RSPRY1: variants seen among roughly 807,000 people sequenced by gnomAD.
RSPRY1 encodes the protein RING finger and SPRY domain-containing protein 1.
In RSPRY1, 23 loss-of-function variants were observed where a neutral mutation model predicts 73.1. The observed-to-expected ratio is 0.31, with a 90% CI of 0.23 to 0.45. The LOEUF is 0.45. Ranked by LOEUF, RSPRY1 falls within the 20% of genes least tolerant of loss-of-function variation. RSPRY1 has a pLI of 1.00. For synonymous variants in RSPRY1, 226 were observed against 251.4 expected (o/e 0.90, Z 0.95); for missense variants, 448 against 698.7 (o/e 0.64, Z 4.05).
chr16:57,232,470 C>T (rs1367350876), intron 13 of RSPRY1, among the ~76,000 whole-genome samples: 1 of 152,188 alleles, frequency 6.6e-6, no homozygotes, highest in African/African-American at 2.4e-5. Context: ...TGGTGCCTGA[C>T]AGAGATTCTG....
chr16:57,219,761 G>A (rs1443612959), intron 8 of RSPRY1: 1 of 152,160 alleles, frequency 6.6e-6, no homozygotes, highest in East Asian at 1.9e-4. Flanking sequence ...TTTCCCCAAT[G>A]TTTTATTTTA....
chr16:57,200,274 G>C (rs1190355459), intron 1 of RSPRY1, among the ~76,000 whole-genome samples: 15 of 150,390 alleles, frequency 1.0e-4, no homozygotes, highest in Middle Eastern at 3.5e-3. Context: ...TCTTAGTACA[G>C]AACAAAATGA....
At chr16:57,189,300 G>T (rs2146140314) in intron 1 of RSPRY1, among the ~76,000 whole-genome samples, 2 of 152,128 alleles carry the variant, frequency 1.3e-5, no homozygotes, top group Middle Eastern at 6.8e-3. Flanking sequence ...CTGGCCCTCA[G>T]TGATTATTTT....
intron 8 of RSPRY1, chr16:57,220,315 G>T (rs1226219205): frequency 1.3e-5 from 2 of 159,096 alleles, no homozygotes; most frequent in Non-Finnish European, 2.8e-5. Context: ...TGTCCTCTTT[G>T]ATTTCTTGCA....
At chr16:57,192,975 CAG>C (rs1423511581) in intron 1 of RSPRY1, among the ~76,000 whole-genome samples, 8 of 152,178 alleles carry the variant, frequency 5.3e-5, no homozygotes, top group Admixed American at 1.3e-4. Flanking sequence ...CTTGGCCTCC[CAG>C]AGTGTTGGGA....
At position 57,213,092 on chromosome 16, in the gene RSPRY1, C is replaced by T; in HGVS notation, c.637C>T (p.Leu213=). 2 of 1,611,718 alleles carry T rather than the reference C, an allele frequency of 1.2e-6. No individual in the cohort carries two copies. The highest frequency in any genetic ancestry group is 2.2e-5 in the South Asian group (2 of 90,744). The change falls in exon 5 of 15, where the codon CTA becomes TTA. Residue 213 remains leucine, a synonymous_variant. Transcript: ENST00000394420. ...AGTCCTAGGCTGCTTGGCCGAGAAA[C>T]TAGCAGGTAACTTTGGGACACTCCA... ...SAVLGCLAEK[L]AGPASIGLLS...
intron 4 of RSPRY1, among the ~76,000 whole-genome samples, chr16:57,212,557 T>C (rs1340055273): frequency 6.6e-6 from 1 of 152,158 alleles, no homozygotes; most frequent in Non-Finnish European, 1.5e-5. Flanking sequence ...ATGATATCAT[T>C]AGGGTACATT....
intron 11 of RSPRY1, among the ~76,000 whole-genome samples, chr16:57,228,309 G>C (rs555520135): frequency 6.8e-6 from 1 of 147,922 alleles, no homozygotes; most frequent in African/African-American, 2.5e-5. Flanking sequence ...GCAGGAATTT[G>C]CCCACCCCCA....
At chr16:57,206,759 CTTGCCATG>C (rs1382113499) in intron 2 of RSPRY1, among the ~76,000 whole-genome samples, 1 of 152,154 alleles carries the variant, frequency 6.6e-6, no homozygotes, top group Non-Finnish European at 1.5e-5. Context: ...AGAGCCAGGT[CTTGCCATG>C]TTGCCCAGGC....
intron 2 of RSPRY1, 82 bp downstream of exon 2, chr16:57,205,090 C>CT: frequency 9.8e-7 from 1 of 1,017,722 alleles, no homozygotes. Flanking sequence ...CCTTCAGTTC[C>CT]TTTAGGACAT....
chr16:57,216,212 T>A (rs760124257), intron 7 of RSPRY1, 39 bp downstream of exon 7: 1 of 1,461,218 alleles, frequency 6.8e-7, no homozygotes, highest in South Asian at 1.2e-5. Context: ...ATCTTCTGTA[T>A]TGGTTGTTAA....
chr16:57,216,387 A>G, intron 7 of RSPRY1: 1 of 497,394 alleles, frequency 2.0e-6, no homozygotes, highest in Non-Finnish European at 3.5e-6. Context: ...AACCATGTTT[A>G]CTCACTTTTT....
intron 7 of RSPRY1, 49 bp from the exon 8 acceptor site, chr16:57,216,855 T>G (rs765832824): frequency 7.6e-6 from 12 of 1,578,688 alleles, no homozygotes; most frequent in Non-Finnish European, 1.0e-5. Flanking sequence ...GCTGAGCAAA[T>G]CATTCTACCC....
Position 57,208,389 on chromosome 16 carries a change from TATATA to T in RSPRY1, c.403+280_403+284del, listed in dbSNP as rs1342545281. Among the ~76,000 whole-genome samples, 63 of 106,840 alleles carry T rather than the reference TATATA, an allele frequency of 5.9e-4. 1 individual carries two copies. The highest frequency in any genetic ancestry group is 2.5e-3 in the African/African-American group (61 of 24,220). 70.1% of individuals were successfully genotyped at this position (106,840 alleles called of 152,430 possible). A position where few individuals can be genotyped will look rare whatever the true frequency, so the allele number is the denominator to read the frequency against. ...AGAGGAGATTATTTATATATATATA[TATATA>T]TATATATTTTTTTTTTTTTTTGAGA... is the stretch of plus-strand genomic sequence containing the variant. On this transcript the variant is annotated intron_variant, in intron 3 of 14. Coordinates refer to ENST00000394420, the MANE Select transcript of RSPRY1 (RefSeq NM_133368.3).
chr16:57,188,732 T>C (rs930138919), intron 1 of RSPRY1, among the ~76,000 whole-genome samples: 1 of 152,186 alleles, frequency 6.6e-6, no homozygotes, highest in Non-Finnish European at 1.5e-5. Flanking sequence ...GTCAGGCTGG[T>C]GTCGAACTCC....
chr16:57,220,620 A>C (rs1334777809), intron 8 of RSPRY1, 112 bp from the exon 9 acceptor site: 4 of 563,322 alleles, frequency 7.1e-6, no homozygotes, highest in African/African-American at 5.6e-5. Flanking sequence ...CTTCCTTTCC[A>C]TTTTGGATGC....
At chr16:57,194,026 A>G (rs1044480747) in intron 1 of RSPRY1, among the ~76,000 whole-genome samples, 1 of 152,100 alleles carries the variant, frequency 6.6e-6, no homozygotes, top group African/African-American at 2.4e-5. Flanking sequence ...GGATCACACC[A>G]GTGCACTCCA....
At chr16:57,232,347 A>G (rs1218463807) in intron 13 of RSPRY1, among the ~76,000 whole-genome samples, 2 of 152,208 alleles carry the variant, frequency 1.3e-5, no homozygotes, top group Non-Finnish European at 2.9e-5. Flanking sequence ...TTGTCTGCAG[A>G]TGGTAACACT....
At chr16:57,233,787 T>C (rs1481838136) in intron 13 of RSPRY1, among the ~76,000 whole-genome samples, 1 of 152,212 alleles carries the variant, frequency 6.6e-6, no homozygotes, top group Non-Finnish European at 1.5e-5. Flanking sequence ...TCCAGTAGGC[T>C]GTGCCTTCAG....
Sources: gnomAD v4.1 joint callset for allele counts (sites outside exome capture counted in the v4.1 genomes callset) on GRCh38, gnomAD v4.1.1 for gene constraint, MANE v1.5 for transcripts, NCBI Gene and HGNC (gene_info 2026-07-23, HGNC 2026-07-21) for gene names.